Variants in PITPNC1 observed in about 807,000 individuals in gnomAD.
The protein encoded by PITPNC1 is cytoplasmic phosphatidylinositol transfer protein 1.
A neutral mutation model predicts 44.7 loss-of-function variants in PITPNC1; 18 were observed. The ratio of observed to expected loss-of-function variants is 0.40; its 90% confidence interval spans 0.28 to 0.60. The LOEUF (loss-of-function observed/expected upper bound fraction) is 0.60, where lower values mean the gene tolerates loss of function less well. PITPNC1 is among the 20% of genes least tolerant of loss of function. PITPNC1 has a pLI of 0.39. For synonymous variants in PITPNC1, 141 were observed against 149.6 expected, an observed-to-expected ratio of 0.94 and a Z score of 0.42; for missense variants, 290 against 418.4, an observed-to-expected ratio of 0.69 and a Z score of 2.68.
chr17:67,380,069 T>C (rs1598594614), intron 1 of PITPNC1, among the ~76,000 whole-genome samples: 3 of 150,964 alleles, frequency 2.0e-5, no homozygotes, highest in African/African-American at 7.4e-5. Context: ...TTTTTTTGTC[T>C]TTTCTTTTCT....
chr17:67,599,573 A>G (rs561042292), intron 5 of PITPNC1, among the ~76,000 whole-genome samples: 3 of 152,286 alleles, frequency 2.0e-5, no homozygotes, highest in Admixed American at 1.3e-4. Context: ...AGGCCCAGGA[A>G]AGTGAGAACA....
intron 1 of PITPNC1, among the ~76,000 whole-genome samples, chr17:67,437,971 A>G (rs2038959771): frequency 6.6e-6 from 1 of 152,042 alleles, no homozygotes; most frequent in South Asian, 2.1e-4. Flanking sequence ...GGGGAGGCCA[A>G]GGCAGAGAAT....
At chr17:67,498,087 C>G (rs527378143) in intron 1 of PITPNC1, among the ~76,000 whole-genome samples, 5 of 151,994 alleles carry the variant, frequency 3.3e-5, no homozygotes, top group Non-Finnish European at 7.4e-5. Context: ...CCAGGCTGGT[C>G]TTGAACTCCT....
chr17:67,571,548 A>G (rs2041058238), intron 4 of PITPNC1, among the ~76,000 whole-genome samples: 1 of 152,272 alleles, frequency 6.6e-6, no homozygotes, highest in South Asian at 2.1e-4. Flanking sequence ...CTCACCAGGT[A>G]GAAATCAAGG....
chr17:67,669,471 T>C (rs1176735402), intron 6 of PITPNC1, 37 bp from the exon 7 acceptor site: 1 of 1,405,234 alleles, frequency 7.1e-7, no homozygotes, highest in Non-Finnish European at 9.7e-7. Context: ...TGGTCAAACT[T>C]TTAATATATC....
At chr17:67,434,398 C>T (rs1341792674) in intron 1 of PITPNC1, among the ~76,000 whole-genome samples, 7 of 152,240 alleles carry the variant, frequency 4.6e-5, no homozygotes, top group Non-Finnish European at 1.0e-4. Flanking sequence ...GCCTCCCACC[C>T]GCCCCACTCC....
chr17:67,550,276 T>C (rs1230318404), intron 2 of PITPNC1, among the ~76,000 whole-genome samples: 2 of 152,122 alleles, frequency 1.3e-5, no homozygotes, highest in African/African-American at 4.8e-5. Context: ...AGCAGGGGCC[T>C]TCATCTGACA....
intron 1 of PITPNC1, among the ~76,000 whole-genome samples, chr17:67,486,096 A>C (rs2039774304): frequency 6.6e-6 from 1 of 152,202 alleles, no homozygotes; most frequent in African/African-American, 2.4e-5. Flanking sequence ...ATTAAGCATT[A>C]AATTCTGCTG....
intron 4 of PITPNC1, among the ~76,000 whole-genome samples, chr17:67,577,800 G>C (rs186229329): frequency 6.6e-6 from 1 of 152,240 alleles, no homozygotes; most frequent in African/African-American, 2.4e-5. Context: ...AAAGATTAAG[G>C]CTGGGTCCCC....
intron 6 of PITPNC1, among the ~76,000 whole-genome samples, chr17:67,641,781 CAA>C (rs2042094858): frequency 1.4e-5 from 1 of 71,928 alleles, no homozygotes; most frequent in Non-Finnish European, 2.8e-5. Context: ...GACCCTACCT[CAA>C]AATAATAATA....
intron 1 of PITPNC1, among the ~76,000 whole-genome samples, chr17:67,517,738 G>C (rs920875629): frequency 4.6e-5 from 7 of 152,220 alleles, no homozygotes; most frequent in Non-Finnish European, 1.0e-4. Context: ...CTTAGTGGTT[G>C]CTGGGACTGG....
At chr17:67,387,154 AG>A (rs1002250272) in intron 1 of PITPNC1, among the ~76,000 whole-genome samples, 3 of 152,210 alleles carry the variant, frequency 2.0e-5, no homozygotes, top group Admixed American at 6.5e-5. Context: ...GCACACCGCC[AG>A]GGGGCGCCAT....
intron 1 of PITPNC1, among the ~76,000 whole-genome samples, chr17:67,438,810 T>TAA (rs1392198900): frequency 6.6e-6 from 1 of 152,216 alleles, no homozygotes; most frequent in Non-Finnish European, 1.5e-5. Flanking sequence ...GCTGCTGACT[T>TAA]ACGGCTACTA....
intron 1 of PITPNC1, among the ~76,000 whole-genome samples, chr17:67,463,032 A>G (rs906001054): frequency 3.9e-5 from 6 of 152,252 alleles, no homozygotes; most frequent in Non-Finnish European, 5.9e-5. Flanking sequence ...AACAAAGACT[A>G]TTTAGCTTGA....
intron 7 of PITPNC1, among the ~76,000 whole-genome samples, chr17:67,670,511 G>T (rs972075916): frequency 6.6e-6 from 1 of 152,128 alleles, no homozygotes; most frequent in Non-Finnish European, 1.5e-5. Flanking sequence ...CCTTTGGGAG[G>T]CTGAGGCAGG....
At chr17:67,459,512 A>C (rs2039306300) in intron 1 of PITPNC1, 1 of 152,216 alleles carries the variant, frequency 6.6e-6, no homozygotes, top group South Asian at 2.1e-4. Flanking sequence ...TCTGGAAGTT[A>C]CTAGAACAAT....
At chr17:67,378,980 G>A (rs2037915224) in intron 1 of PITPNC1, 10 of 985,398 alleles carry the variant, frequency 1.0e-5, no homozygotes, top group East Asian at 1.1e-4. Flanking sequence ...TCCAAGCGCG[G>A]CTCTGCTGTC....
rs546322321 is a variant in PITPNC1, at chr17:67,622,735, G to T, written c.367-9408G>T. 7.4e-4 allele frequency among the ~76,000 whole-genome samples: 113 copies of T among 151,968 alleles called. 1 individual carries two copies. Among genetic ancestry groups the T allele is most frequent in the African/African-American group, 2.6e-3 (107 of 41,440 alleles). ...TACTAAAAATACAAAAATTAGCCAG[G>T]TGTGGTGGCGCATGCCTGTAGTCCC... On this transcript the variant is annotated intron_variant, in intron 5 of 8. Transcript: ENST00000581322.
At chr17:67,471,583 C>A in intron 1 of PITPNC1, 1 of 368,940 alleles carries the variant, frequency 2.7e-6, no homozygotes, top group Non-Finnish European at 5.2e-6. Flanking sequence ...AATCTTCCCT[C>A]TCTCTGGATT....
Sources: gnomAD v4.1 joint callset for allele counts (sites outside exome capture counted in the v4.1 genomes callset) on GRCh38, gnomAD v4.1.1 for gene constraint, MANE v1.5 for transcripts, NCBI Gene and HGNC (gene_info 2026-07-23, HGNC 2026-07-21) for gene names.